The following TRIM14 variants were observed in gnomAD, a reference collection of about 807,000 sequenced individuals.
TRIM14 encodes the protein tripartite motif-containing protein 14.
A neutral mutation model predicts 44.5 loss-of-function variants in TRIM14; 28 were observed. The ratio of observed to expected loss-of-function variants is 0.63; its 90% CI spans 0.47 to 0.86. The LOEUF (loss-of-function observed/expected upper bound fraction) is 0.86, where lower values mean the gene tolerates loss of function less well. TRIM14 is among the 40% of genes least tolerant of loss of function. The probability of loss-of-function intolerance (pLI) is 0.00; values close to 1 mark genes in which losing one functional copy is unlikely to be tolerated. For synonymous variants in TRIM14, 299 were observed against 269.2 expected (o/e 1.11, Z -1.08); for missense variants, 607 against 611.1 (o/e 0.99, Z 0.07).
the TRIM14 span, among the ~76,000 whole-genome samples, chr9:98,058,856 CT>C: frequency 7.9e-5 from 12 of 152,136 alleles, no homozygotes; most frequent in Non-Finnish European, 1.8e-4. Context: ...TCAGGTCAGT[CT>C]GGGCCTTGGG....
chr9:98,077,935 G>A (rs1829663608), intron 6 of TRIM14: 1 of 509,416 alleles, frequency 2.0e-6, no homozygotes. Flanking sequence ...TCTTGGCAGT[G>A]TGAAATTCCT....
intron 2 of TRIM14, among the ~76,000 whole-genome samples, chr9:98,103,633 T>TG (rs758582012): frequency 6.6e-6 from 1 of 152,014 alleles, no homozygotes; most frequent in Non-Finnish European, 1.5e-5. Flanking sequence ...GGTCAGGAGA[T>TG]GGAGACCATC....
At chr9:98,107,948 A>T (rs1166752364) in intron 2 of TRIM14, among the ~76,000 whole-genome samples, 1 of 152,138 alleles carries the variant, frequency 6.6e-6, no homozygotes, top group Middle Eastern at 3.2e-3. Flanking sequence ...GATTACAGGC[A>T]TGAGCCACCT....
chr9:98,092,518 C>T, intron 4 of TRIM14: 1 of 432,088 alleles, frequency 2.3e-6, no homozygotes, highest in South Asian at 1.6e-5. Context: ...GTGCCTTCCG[C>T]CCCCATCACT....
the TRIM14 span, chr9:98,056,591 G>T: frequency 1.6e-6 from 1 of 618,342 alleles, no homozygotes; most frequent in Non-Finnish European, 2.6e-6. Flanking sequence ...GACCCGCCCC[G>T]CCGCCCTTCC....
Position 98,088,003 on chromosome 9 carries a change from C to T in TRIM14, c.796G>A (p.Ala266Thr). The change falls in exon 6 of 6, where the codon GCG becomes ACG. Residue 266 changes from alanine to threonine, a missense_variant and splice_region_variant. Around this residue, in one of 3 missense-constraint regions of TRIM14, gnomAD observed 356 missense variants for 323.0 expected, o/e 1.10. Transcript: ENST00000341469. ...TCAGGATCCAGCGTGGGCGTGCGCG[C>T]GTCTGCAGGGGGCGAGACAAGGGAC... The part of the protein sequence containing the change: ...SPERSLLLKY[A>T]RTPTLDPDTM... 6.5e-7 allele frequency: 1 copy of T among 1,531,878 alleles called. No homozygotes were observed. The highest frequency in any genetic ancestry group is 8.7e-7 in the Non-Finnish European group (1 of 1,152,928). The allele number at this position is 1,531,878 out of a possible 1,614,324, so 94.9% of individuals were successfully genotyped here.
Position 98,085,678 on chromosome 9 carries a change from ACT to A in TRIM14, c.*1790_*1791del, listed in dbSNP as rs1435367127. ...GGATTCCTGCAGCATAGTGCTTAAA[ACT>A]CTGTCCAGCCAGAGTTTTAAAGTCT... On this transcript the variant is annotated 3_prime_UTR_variant, in exon 6 of 6. Transcript: ENST00000341469. 6.6e-6 allele frequency: 1 copy of A among 151,384 alleles called. No individual in the cohort carries two copies. Among genetic ancestry groups the A allele is most frequent in the East Asian group, 1.9e-4 (1 of 5,170 alleles). 9.4% of individuals were successfully genotyped at this position (151,384 alleles called of 1,614,324 possible). A position where few individuals can be genotyped will look rare whatever the true frequency, so the allele number is the denominator to read the frequency against.
At chr9:98,110,096 C>T in intron 1 of TRIM14, 112 bp from the exon 2 acceptor site, 1 of 809,100 alleles carries the variant, frequency 1.2e-6, no homozygotes, top group Non-Finnish European at 2.1e-6. Flanking sequence ...ATGGAGGCAT[C>T]TGAAGGTGAG....
At chr9:98,055,837 A>C in the TRIM14 span, among the ~76,000 whole-genome samples, 7 of 152,080 alleles carry the variant, frequency 4.6e-5, no homozygotes, top group African/African-American at 1.7e-4. Context: ...TCCCGGGTTC[A>C]AGCGATTCTC....
the TRIM14 span, among the ~76,000 whole-genome samples, chr9:98,057,226 C>T: frequency 2.0e-5 from 3 of 152,252 alleles, no homozygotes; most frequent in Non-Finnish European, 4.4e-5. Flanking sequence ...ACCATCCCCC[C>T]TGCCTGGCAC....
chr9:98,070,199 C>T (rs1032523541), intron 6 of TRIM14, among the ~76,000 whole-genome samples: 6 of 152,164 alleles, frequency 3.9e-5, no homozygotes, highest in African/African-American at 1.4e-4. Context: ...CTCACTGTAA[C>T]CTTCGCCTCC....
chr9:98,078,040 G>A, intron 6 of TRIM14: 1 of 1,134,544 alleles, frequency 8.8e-7, no homozygotes, highest in Non-Finnish European at 1.2e-6. Flanking sequence ...AACCCAACAA[G>A]CTCCTCTCTG....
intron 5 of TRIM14, among the ~76,000 whole-genome samples, chr9:98,089,868 G>A (rs1006408976): frequency 7.2e-5 from 11 of 152,202 alleles, no homozygotes; most frequent in Admixed American, 7.2e-4. Flanking sequence ...TTAAGGGCAG[G>A]AGGAGCCTGT....
chr9:98,078,197 C>A lies in TRIM14; in HGVS notation c.*29-8510G>T. ...TGTTGGTGCTGGATTACTCAGGTCG[C>A]CCAATGGTGATCTCCAGTGGGATGC... On this transcript the variant is annotated intron_variant, in intron 6 of 6. Coordinates refer to the TRIM14 transcript ENST00000375098. 1 of 1,614,184 alleles carries A rather than the reference C, an allele frequency of 6.2e-7. No individual in the cohort carries two copies. Among genetic ancestry groups the A allele is most frequent in the South Asian group, 1.1e-5 (1 of 91,084 alleles).
the TRIM14 span, among the ~76,000 whole-genome samples, chr9:98,044,599 CCTGACCTCGTGAT>C: frequency 6.6e-6 from 1 of 152,066 alleles, no homozygotes; most frequent in South Asian, 2.1e-4. Context: ...GTCTTGATCT[CCTGACCTCGTGAT>C]CTGCCCGCCT....
chr9:98,040,447 T>C, the TRIM14 span, among the ~76,000 whole-genome samples: 1 of 151,728 alleles, frequency 6.6e-6, no homozygotes, highest in Non-Finnish European at 1.5e-5. Context: ...ACACCTGCTC[T>C]GTCTCCTGCT....
chr9:98,062,528 A>G, the TRIM14 span, among the ~76,000 whole-genome samples: 1 of 152,216 alleles, frequency 6.6e-6, no homozygotes, highest in Non-Finnish European at 1.5e-5. Flanking sequence ...AAACTGACCC[A>G]TAATCCCTCT....
At chr9:98,092,424 A>G in intron 4 of TRIM14, 1 of 314,670 alleles carries the variant, frequency 3.2e-6, no homozygotes, top group South Asian at 2.5e-5. Context: ...CTGCCTGGAC[A>G]GCCCCCCCAC....
intron 1 of TRIM14, among the ~76,000 whole-genome samples, chr9:98,114,709 A>G (rs868849627): frequency 2.6e-5 from 4 of 152,140 alleles, no homozygotes; most frequent in South Asian, 4.1e-4. Context: ...AAATTTTTGG[A>G]AAAAAACCCT....
Sources: allele counts gnomAD v4.1 joint callset (sites outside exome capture counted in the v4.1 genomes callset), GRCh38; gene constraint gnomAD v4.1.1; regional missense constraint gnomAD v4.1.1; transcripts MANE v1.5; gene names NCBI Gene and HGNC (gene_info 2026-07-23, HGNC 2026-07-21).